Variants in UACA observed in about 807,000 individuals in gnomAD.
The protein encoded by UACA is nuclear membrane binding protein.
In UACA, 112 loss-of-function variants were observed where a neutral mutation model predicts 160.5. That is an observed-to-expected ratio of 0.70 (90% CI 0.60 to 0.82). UACA has a LOEUF of 0.82. UACA is among the 40% of genes least tolerant of loss of function. The probability of loss-of-function intolerance (pLI) is 0.00; values close to 1 mark genes in which losing one functional copy is unlikely to be tolerated. For synonymous variants in UACA, 557 were observed against 568.4 expected (o/e 0.98, Z 0.29); for missense variants, 1,574 against 1,614.6 (o/e 0.97, Z 0.43).
At chr15:70,718,542 A>G (rs771864441) in intron 1 of UACA, among the ~76,000 whole-genome samples, 4 of 152,168 alleles carry the variant, frequency 2.6e-5, no homozygotes, top group Non-Finnish European at 4.4e-5. Flanking sequence ...AGACTGGCAC[A>G]TATCTTACGA....
chr15:70,709,812 A>C (rs1240475094), intron 1 of UACA, among the ~76,000 whole-genome samples: 2 of 152,220 alleles, frequency 1.3e-5, no homozygotes, highest in Admixed American at 1.3e-4. Flanking sequence ...ATGGCTAGTC[A>C]ACAAATCATA....
At chr15:70,676,014 G>C (rs761920273) in intron 13 of UACA, among the ~76,000 whole-genome samples, 7 of 152,126 alleles carry the variant, frequency 4.6e-5, no homozygotes, top group Non-Finnish European at 7.4e-5. Flanking sequence ...CAGCATGAAC[G>C]GACTAAGGCA....
chr15:70,729,780 C>A (rs1307401824), intron 1 of UACA, among the ~76,000 whole-genome samples: 1 of 140,330 alleles, frequency 7.1e-6, no homozygotes, highest in Non-Finnish European at 1.5e-5. Flanking sequence ...TCTCCCAGCA[C>A]GCAGCTGGAG....
At chr15:70,713,463 A>G (rs1898744839) in intron 1 of UACA, among the ~76,000 whole-genome samples, 1 of 152,236 alleles carries the variant, frequency 6.6e-6, no homozygotes, top group South Asian at 2.1e-4. Context: ...TTTACATCCC[A>G]GACAGTGGGA....
chr15:70,712,078 C>CTATATATATATA (rs1898700967), intron 1 of UACA, among the ~76,000 whole-genome samples: 1 of 128,934 alleles, frequency 7.8e-6, no homozygotes, highest in African/African-American at 3.1e-5. Context: ...CTCCATATAC[C>CTATATATATATA]TTCTTCATGA....
At chr15:70,663,874 T>TGGGGGGA (rs1896810100) in intron 17 of UACA, among the ~76,000 whole-genome samples, 1 of 56,632 alleles carries the variant, frequency 1.8e-5, no homozygotes, top group Non-Finnish European at 3.1e-5. Flanking sequence ...TGTTGTGGGG[T>TGGGGGGA]GGGGGGAGGG....
chr15:70,709,310 T>A (rs767240319), intron 1 of UACA, among the ~76,000 whole-genome samples: 1 of 152,254 alleles, frequency 6.6e-6, no homozygotes, highest in Non-Finnish European at 1.5e-5. Context: ...CAAGCCAAAG[T>A]ATCTATGGTA....
intron 7 of UACA, 97 bp downstream of exon 7, chr15:70,687,439 GGAAA>G: frequency 2.8e-6 from 3 of 1,087,544 alleles, no homozygotes; most frequent in Non-Finnish European, 4.1e-6. Flanking sequence ...AGAACCCACA[GGAAA>G]GAAAGGCCAA....
chr15:70,671,151 C>A, intron 14 of UACA, 60 bp from the exon 15 acceptor site: 1 of 1,190,478 alleles, frequency 8.4e-7, no homozygotes. Context: ...GTAGGCTAAA[C>A]ATTAATTTGA....
In UACA at chr15:70,666,822, C is replaced by A. The variant is rs747599122; in HGVS notation, c.3862G>T (p.Asp1288Tyr). 1 of 1,613,844 alleles carries A rather than the reference C, an allele frequency of 6.2e-7. No individual in the cohort carries two copies. ...GACTTATCACATCGTTCCTTCTGAT[C>A]CTTAATTTCTTGCTCAATGCTGAAA... ...LHFSIEQEIKDQKERCDKSLT... is the reference protein window; with the variant it reads ...LHFSIEQEIKYQKERCDKSLT... The change falls in exon 16 of 19, where the codon GAT becomes TAT. Residue 1288 changes from aspartate to tyrosine, a missense_variant. Physicochemically the swap from Asp to Tyr is radical, Grantham distance 160. Coordinates refer to ENST00000322954, the MANE Select transcript of UACA (RefSeq NM_018003.4).
chr15:70,684,806 A>G (rs1317581882), intron 7 of UACA, among the ~76,000 whole-genome samples: 1 of 152,158 alleles, frequency 6.6e-6, no homozygotes, highest in Non-Finnish European at 1.5e-5. Context: ...TGTTACAGAT[A>G]TAGATTTTAC....
At chr15:70,705,766 T>C (rs1202042063) in intron 1 of UACA, among the ~76,000 whole-genome samples, 2 of 152,228 alleles carry the variant, frequency 1.3e-5, no homozygotes, top group African/African-American at 4.8e-5. Context: ...TTCAGAAACC[T>C]ATCAAGCAAT....
chr15:70,667,944 T>G lies in UACA; in HGVS notation c.2740A>C (p.Thr914Pro), dbSNP rs572636096. The G allele has an allele frequency of 1.6e-4, 258 of 1,611,840 alleles. 2 individuals carry two copies. The South Asian group carries it at 2.7e-3, about 17-fold the overall frequency. The change falls in exon 16 of 19, where the codon ACT becomes CCT. Residue 914 changes from threonine to proline, a missense_variant. By Grantham distance (38) the Thr-to-Pro change is conservative (BLOSUM62 -1). Transcript: ENST00000322954. The part of the protein sequence containing the change: ...NEILKRNLEN[T>P]QNQIKAEYIS... ...TACTCAGCTTTTATTTGGTTCTGAG[T>G]GTTTTCCAGGTTTCTTTTTAATATT...
rs1395484392 is a variant in UACA, at chr15:70,687,599, T to C, written c.543A>G (p.Thr181=). ...CTCTATCTATCAGCAGTTGACATATTGTTGGCCTACTCATCTGAGTAGCCA... is the reference window on the plus strand; with the variant it reads ...CTCTATCTATCAGCAGTTGACATATCGTTGGCCTACTCATCTGAGTAGCCA... The part of the protein sequence containing the change: ...LVLATQMSRP[T]ICQLLIDRGA... The change falls in exon 7 of 19, where the codon ACA becomes ACG. Residue 181 remains threonine (T), a synonymous_variant. Transcript: ENST00000322954. 1 of 1,613,964 alleles carries C rather than the reference T, an allele frequency of 6.2e-7. No homozygotes were observed.
At chr15:70,749,864 C>T (rs1451438369) in intron 1 of UACA, among the ~76,000 whole-genome samples, 2 of 152,118 alleles carry the variant, frequency 1.3e-5, no homozygotes, top group Admixed American at 6.5e-5. Flanking sequence ...TAAATATGTG[C>T]ACTTCAAAAA....
chr15:70,712,822 A>G (rs1357359847), intron 1 of UACA, among the ~76,000 whole-genome samples: 1 of 152,216 alleles, frequency 6.6e-6, no homozygotes, highest in East Asian at 1.9e-4. Flanking sequence ...AATCATCTGG[A>G]AAAAAATCTT....
At chr15:70,706,028 A>G (rs1344313273) in intron 1 of UACA, among the ~76,000 whole-genome samples, 1 of 152,162 alleles carries the variant, frequency 6.6e-6, no homozygotes, top group Non-Finnish European at 1.5e-5. Context: ...TAATCAAAAC[A>G]ATCAGAGGGC....
chr15:70,719,669 G>C (rs564146008), intron 1 of UACA, among the ~76,000 whole-genome samples: 9 of 152,164 alleles, frequency 5.9e-5, no homozygotes, highest in Admixed American at 5.9e-4. Context: ...GGTTGAGAAA[G>C]GTGTTCAACC....
intron 5 of UACA, among the ~76,000 whole-genome samples, chr15:70,689,248 T>C (rs1897839775): frequency 6.6e-6 from 1 of 152,162 alleles, no homozygotes; most frequent in Admixed American, 6.6e-5. Context: ...ATGAGTGACC[T>C]GTCAATATAT....
Sources: allele counts gnomAD v4.1 joint callset (sites outside exome capture counted in the v4.1 genomes callset), GRCh38; gene constraint gnomAD v4.1.1; transcripts MANE v1.5; gene names NCBI Gene and HGNC (gene_info 2026-07-23, HGNC 2026-07-21).